Variants in TENM3 observed in about 807,000 individuals in gnomAD.
TENM3 encodes teneurin-3.
A neutral mutation model predicts 255.1 loss-of-function variants in TENM3; 63 were observed. The observed-to-expected ratio is 0.25, with a 90% CI of 0.20 to 0.30. The LOEUF is 0.30. TENM3 is among the 10% of genes least tolerant of loss of function. TENM3 has a pLI of 1.00. For synonymous variants in TENM3, 1,306 were observed against 1,322.3 expected (o/e 0.99, Z 0.27); for missense variants, 2,929 against 3,461.1 (o/e 0.85, Z 3.86).
At chr4:181,508,810 C>T in the TENM3 span, among the ~76,000 whole-genome samples, 4 of 150,720 alleles carry the variant, frequency 2.7e-5, no homozygotes, top group Non-Finnish European at 5.9e-5. Flanking sequence ...TGATCCGTCA[C>T]TGCTTGATGT....
rs552983960 is a variant in TENM3 at position 182,217,077 on chromosome 4, G to A, written c.-76+72323G>A. Among the ~76,000 whole-genome samples, 163 of 127,786 alleles carry A rather than the reference G, an allele frequency of 1.3e-3. 1 individual carries two copies. Among genetic ancestry groups the A allele is most frequent in the Non-Finnish European group, 2.0e-3 (126 of 64,020 alleles). 83.8% of individuals were successfully genotyped at this position (127,786 alleles called of 152,430 possible). On this transcript the variant is annotated intron_variant, in intron 1 of 2. Coordinates refer to the TENM3 transcript ENST00000512480. ...TCACTCTGTCCCAGGCTAGAGTGCA[G>A]TGGTGTGATCTCGGCTCACTGCAAC...
At chr4:181,540,785 C>T in the TENM3 span, among the ~76,000 whole-genome samples, 6,703 of 151,966 alleles carry the variant, frequency 0.044, 226 homozygotes, top group South Asian at 0.15. Context: ...GCTCAGGGGA[C>T]GTGATGCCTA....
At chr4:182,533,772 G>A (rs1560885318) in intron 3 of TENM3, among the ~76,000 whole-genome samples, 1 of 151,942 alleles carries the variant, frequency 6.6e-6, no homozygotes, top group Non-Finnish European at 1.5e-5. Flanking sequence ...AAATTAGCTG[G>A]GTGTGGTGGC....
At chr4:181,746,093 G>A in the TENM3 span, among the ~76,000 whole-genome samples, 1 of 152,168 alleles carries the variant, frequency 6.6e-6, no homozygotes, top group Non-Finnish European at 1.5e-5. Context: ...AATGGTGTTA[G>A]GATCAAAAGA....
the TENM3 span, among the ~76,000 whole-genome samples, chr4:181,649,534 A>G: frequency 6.6e-6 from 1 of 152,226 alleles, no homozygotes; most frequent in African/African-American, 2.4e-5. Flanking sequence ...GGCTAAAAGA[A>G]GCTAGAAAAA....
At chr4:182,102,542 T>C in the TENM3 span, among the ~76,000 whole-genome samples, 1 of 152,000 alleles carries the variant, frequency 6.6e-6, no homozygotes, top group Non-Finnish European at 1.5e-5. Flanking sequence ...TCTTATCAAA[T>C]GACAAAAAAA....
At chr4:181,761,446 A>G in the TENM3 span, among the ~76,000 whole-genome samples, 1 of 152,256 alleles carries the variant, frequency 6.6e-6, no homozygotes, top group African/African-American at 2.4e-5. Flanking sequence ...CCATCAAAAT[A>G]ACATGGAGAA....
the TENM3 span, among the ~76,000 whole-genome samples, chr4:181,605,139 G>T: frequency 1.3e-5 from 2 of 151,978 alleles, no homozygotes; most frequent in Non-Finnish European, 2.9e-5. Context: ...AATACGTAAG[G>T]GACCAGGTAA....
In TENM3 at chr4:182,767,992, G is replaced by A. The variant is rs544334474; in HGVS notation, c.4893-5480G>A. Reference sequence around the variant, plus strand: ...CCTAGGTGAAAATGACAGAGGTGTGGGGAGGGCATTGCCGCCAGTATATAC... The same window carrying A: ...CCTAGGTGAAAATGACAGAGGTGTGAGGAGGGCATTGCCGCCAGTATATAC... On this transcript the variant is annotated intron_variant, in intron 22 of 27. Transcript: ENST00000511685. Among the ~76,000 whole-genome samples, 76 of 152,316 alleles carry A rather than the reference G, an allele frequency of 5.0e-4. No homozygotes were observed. In the Middle Eastern group the frequency reaches 0.01, roughly 20 times the overall value.
the TENM3 span, among the ~76,000 whole-genome samples, chr4:181,966,323 G>C: frequency 6.6e-6 from 1 of 152,160 alleles, no homozygotes; most frequent in Admixed American, 6.5e-5. Flanking sequence ...CCAGGCATGA[G>C]TCTGTCCTCT....
intron 3 of TENM3, among the ~76,000 whole-genome samples, chr4:182,353,055 A>T (rs1386926613): frequency 6.6e-6 from 1 of 152,160 alleles, no homozygotes; most frequent in Non-Finnish European, 1.5e-5. Context: ...ACTTGCGATC[A>T]TTCTAGGACA....
At chr4:181,570,114 C>T in the TENM3 span, among the ~76,000 whole-genome samples, 2 of 147,622 alleles carry the variant, frequency 1.4e-5, no homozygotes, top group East Asian at 2.0e-4. Flanking sequence ...GGCACAATCT[C>T]GGCTCACTGC....
chr4:181,900,734 G>A, the TENM3 span, among the ~76,000 whole-genome samples: 14 of 152,188 alleles, frequency 9.2e-5, no homozygotes, highest in East Asian at 1.3e-3. Context: ...ATAGGCTTCC[G>A]TCTTTCTCCT....
the TENM3 span, among the ~76,000 whole-genome samples, chr4:181,959,117 T>C: frequency 6.6e-6 from 1 of 152,202 alleles, no homozygotes; most frequent in Non-Finnish European, 1.5e-5. Flanking sequence ...ATTCTGTACA[T>C]ATTATATCTT....
At chr4:182,768,119 G>A (rs138310481) in intron 22 of TENM3, among the ~76,000 whole-genome samples, 1 of 152,170 alleles carries the variant, frequency 6.6e-6, no homozygotes, top group African/African-American at 2.4e-5. Flanking sequence ...ACGTCACTCC[G>A]CAAAAGAGCC....
the TENM3 span, among the ~76,000 whole-genome samples, chr4:181,554,009 C>CT: frequency 1.3e-5 from 2 of 152,138 alleles, no homozygotes; most frequent in African/African-American, 4.8e-5. Flanking sequence ...ACTCTGCTCC[C>CT]TTTTTTCCCC....
chr4:182,172,230 G>A (rs188771856), intron 1 of TENM3, among the ~76,000 whole-genome samples: 78 of 152,262 alleles, frequency 5.1e-4, no homozygotes, highest in African/African-American at 1.8e-3. Context: ...AACACTGGAT[G>A]TGTATTTAAG....
the TENM3 span, among the ~76,000 whole-genome samples, chr4:181,823,103 G>T: frequency 2.6e-5 from 4 of 152,194 alleles, no homozygotes; most frequent in East Asian, 7.7e-4. Flanking sequence ...ACGAAGTCAA[G>T]CATGATAGCG....
At chr4:181,474,546 C>T in the TENM3 span, among the ~76,000 whole-genome samples, 8 of 151,886 alleles carry the variant, frequency 5.3e-5, no homozygotes, top group South Asian at 1.0e-3. Flanking sequence ...CCAGCCTGGC[C>T]AACATAGTGA....
Sources: allele counts gnomAD v4.1 joint callset (sites outside exome capture counted in the v4.1 genomes callset), GRCh38; gene constraint gnomAD v4.1.1; transcripts MANE v1.5; gene names NCBI Gene and HGNC (gene_info 2026-07-23, HGNC 2026-07-21).